Variants in LINGO2 observed in about 807,000 individuals in gnomAD.
LINGO2 encodes leucine-rich repeat and immunoglobulin-like domain-containing nogo receptor-interacting protein 2.
Under a neutral mutation model 30.6 loss-of-function variants are expected in LINGO2, and 14 were observed. The ratio of observed to expected loss-of-function variants is 0.46; its 90% CI spans 0.30 to 0.72. The LOEUF (loss-of-function observed/expected upper bound fraction) is 0.72. Ranked by LOEUF, LINGO2 falls within the 30% of genes least tolerant of loss-of-function variation. The pLI, the probability that LINGO2 is intolerant of heterozygous loss-of-function variation, is 0.07. For synonymous variants in LINGO2, 317 were observed against 288.5 expected, an observed-to-expected ratio of 1.10 and a Z score of -1.00; for missense variants, 729 against 751.7, an observed-to-expected ratio of 0.97 and a Z score of 0.35.
chr9:28,141,794 C>T (rs566685675), intron 4 of LINGO2, among the ~76,000 whole-genome samples: 1 of 152,232 alleles, frequency 6.6e-6, no homozygotes, highest in African/African-American at 2.4e-5. Flanking sequence ...TGCCTGTAAT[C>T]CCAGCTACTC....
the LINGO2 span, among the ~76,000 whole-genome samples, chr9:28,758,510 G>A: frequency 6.6e-6 from 1 of 152,032 alleles, no homozygotes; most frequent in South Asian, 2.1e-4. Flanking sequence ...AACCAATACA[G>A]TGTGGTTTTT....
chr9:28,708,829 C>T, the LINGO2 span, among the ~76,000 whole-genome samples: 1 of 144,510 alleles, frequency 6.9e-6, no homozygotes, highest in Non-Finnish European at 1.5e-5. Context: ...TATCCATCAT[C>T]TATCTATCAT....
the LINGO2 span, among the ~76,000 whole-genome samples, chr9:28,771,471 G>A: frequency 0.013 from 1,220 of 96,530 alleles, 25 homozygotes; most frequent in African/African-American, 0.054. Flanking sequence ...GTGTGTGTGT[G>A]TGTGTGTGTG....
chr9:28,142,959 G>T (rs1485019132), intron 4 of LINGO2, among the ~76,000 whole-genome samples: 1 of 152,074 alleles, frequency 6.6e-6, no homozygotes, highest in Non-Finnish European at 1.5e-5. Flanking sequence ...TGGTCTATGG[G>T]GAGTTTTGTT....
intron 4 of LINGO2, among the ~76,000 whole-genome samples, chr9:28,209,261 G>GAT (rs1820512093): frequency 6.6e-6 from 1 of 151,936 alleles, no homozygotes; most frequent in East Asian, 1.9e-4. Flanking sequence ...TTGAATAACT[G>GAT]ATATATATGA....
the LINGO2 span, among the ~76,000 whole-genome samples, chr9:29,120,421 AAC>A: frequency 1.3e-5 from 2 of 152,194 alleles, no homozygotes; most frequent in Admixed American, 1.3e-4. Context: ...GCTACTGATA[AAC>A]ACACAGTTAA....
Position 28,148,701 on chromosome 9 carries a change from T to C in LINGO2, c.-86-136296A>G. On this transcript the variant is annotated intron_variant, in intron 4 of 5. Transcript: ENST00000379992. This position sits in a 1 kb window ranked among gnomAD's most constrained non-coding sequence, Gnocchi z 5.1. ...AGTTTCTACTCCAACGGCCATGGAG[T>C]CGCCAGTTCACACAGCCCTGCTGGA... is the stretch of plus-strand genomic sequence containing the variant. 1.3e-6 allele frequency: 2 copies of C among 1,533,594 alleles called. No individual in the cohort carries two copies. Among genetic ancestry groups the C allele is most frequent in the Non-Finnish European group, 1.7e-6 (2 of 1,146,140 alleles). 95.0% of individuals were successfully genotyped at this position (1,533,594 alleles called of 1,614,324 possible).
the LINGO2 span, among the ~76,000 whole-genome samples, chr9:28,675,578 T>C: frequency 3.3e-5 from 5 of 151,942 alleles, no homozygotes; most frequent in Non-Finnish European, 7.4e-5. Flanking sequence ...TACAAAAGTT[T>C]ATAAAAATAT....
chr9:28,964,422 C>T, the LINGO2 span, among the ~76,000 whole-genome samples: 1,168 of 151,930 alleles, frequency 7.7e-3, 9 homozygotes, highest in South Asian at 0.023. Flanking sequence ...AGAATATTAG[C>T]TAAAATATTG....
the LINGO2 span, among the ~76,000 whole-genome samples, chr9:28,911,760 C>T: frequency 1.3e-5 from 2 of 152,120 alleles, no homozygotes; most frequent in South Asian, 4.1e-4. Flanking sequence ...AGTGTGAAGA[C>T]ACATGTGCTC....
chr9:27,937,650 A>G, the LINGO2 span: 1 of 152,192 alleles, frequency 6.6e-6, no homozygotes, highest in African/African-American at 2.4e-5. Context: ...TTGTGTCTCA[A>G]CAGATGAAAT....
chr9:28,194,420 GAAGTA>G (rs1819934747), intron 4 of LINGO2, among the ~76,000 whole-genome samples: 1 of 152,018 alleles, frequency 6.6e-6, no homozygotes, highest in African/African-American at 2.4e-5. Flanking sequence ...CAAAAGAAGT[GAAGTA>G]AATTGCCAAA....
chr9:28,158,860 C>T (rs373167794), intron 4 of LINGO2, among the ~76,000 whole-genome samples: 13 of 152,148 alleles, frequency 8.5e-5, no homozygotes, highest in African/African-American at 2.2e-4. Flanking sequence ...AGGAGGAATT[C>T]GTTAGCTCAA....
intron 4 of LINGO2, among the ~76,000 whole-genome samples, chr9:28,025,047 C>A (rs1454736335): frequency 1.3e-5 from 2 of 152,158 alleles, no homozygotes; most frequent in Non-Finnish European, 2.9e-5. Context: ...GTGAGGATTT[C>A]TTTCACTCAA....
intron 2 of LINGO2, among the ~76,000 whole-genome samples, chr9:28,438,952 GATA>G (rs1475882142): frequency 2.8e-5 from 4 of 143,808 alleles, no homozygotes; most frequent in Admixed American, 7.0e-5. Context: ...ATGAAATATA[GATA>G]ATATGTGTAC....
chr9:28,635,343 G>T (rs1056556450), intron 1 of LINGO2, among the ~76,000 whole-genome samples: 29 of 152,120 alleles, frequency 1.9e-4, no homozygotes, highest in Non-Finnish European at 5.9e-5. Flanking sequence ...TTAAGAAGTT[G>T]CCCTGAAACA....
chr9:28,240,506 C>T (rs1011362454), intron 4 of LINGO2, among the ~76,000 whole-genome samples: 6 of 152,100 alleles, frequency 3.9e-5, no homozygotes, highest in African/African-American at 1.4e-4. Flanking sequence ...GCAGTAAACA[C>T]ATTTTTGACA....
the LINGO2 span, among the ~76,000 whole-genome samples, chr9:29,212,736 T>G: frequency 6.6e-6 from 1 of 152,222 alleles, no homozygotes; most frequent in Non-Finnish European, 1.5e-5. Context: ...GACACTCCTC[T>G]GGCTTCCTGC....
intron 5 of LINGO2, among the ~76,000 whole-genome samples, chr9:27,996,638 G>A (rs1821676638): frequency 6.6e-6 from 1 of 152,042 alleles, no homozygotes; most frequent in South Asian, 2.1e-4. Context: ...AAAAAAGGGG[G>A]GTTAGTTAAT....
Sources: gnomAD v4.1 joint callset for allele counts (sites outside exome capture counted in the v4.1 genomes callset) on GRCh38, gnomAD v4.1.1 for gene constraint, Gnocchi (gnomAD v3.1) non-coding constraint, MANE v1.5 for transcripts, NCBI Gene and HGNC (gene_info 2026-07-23, HGNC 2026-07-21) for gene names.